The following CCDC141 variants were observed in gnomAD, a reference collection of about 807,000 sequenced individuals.
CCDC141 encodes the protein coiled-coil domain-containing protein 141.
In CCDC141, 168 loss-of-function variants were observed where a neutral mutation model predicts 181.0. The observed-to-expected ratio is 0.93, with a 90% CI of 0.82 to 1.05. The LOEUF (loss-of-function observed/expected upper bound fraction) is 1.05. Among genes scored for constraint, CCDC141 ranks in the 50% least tolerant of loss-of-function variants. The pLI is 0.00. For synonymous variants in CCDC141, 666 were observed against 642.3 expected (o/e 1.04, Z -0.56); for missense variants, 1,902 against 1,788.5 (o/e 1.06, Z -1.14).
rs1363004956 is a variant in CCDC141, at chr2:178,961,417, A to G, written c.593T>C (p.Phe198Ser). The change falls in exon 5 of 24, where the codon TTC becomes TCC. Residue 198 changes from phenylalanine (F) to serine (S), a missense_variant. By Grantham distance (155) the Phe-to-Ser change is radical. Transcript: ENST00000443758. The part of the protein sequence containing the change: ...SQQLTDFIEK[F>S]KCEGPNVNPE... ...ATTCACATTAGGTCCTTCACACTTG[A>G]ATTTTTCTATGAAGTCAGTGAGTTG... The G allele has an allele frequency of 6.4e-7, 1 of 1,550,502 alleles. No homozygotes were observed. Among genetic ancestry groups the G allele is most frequent in the Admixed American group, 2.0e-5 (1 of 50,994 alleles).
At chr2:178,965,909 G>A (rs1029202503) in intron 4 of CCDC141, among the ~76,000 whole-genome samples, 4 of 152,128 alleles carry the variant, frequency 2.6e-5, no homozygotes, top group Non-Finnish European at 1.5e-5. Flanking sequence ...GTCTGAGATC[G>A]ACCCGGTACG....
chr2:178,960,475 T>C (rs1411894446), intron 5 of CCDC141, among the ~76,000 whole-genome samples: 1 of 152,194 alleles, frequency 6.6e-6, no homozygotes. Context: ...TCCCTCCACA[T>C]AATTTCTCCC....
At chr2:179,011,513 A>C (rs2042269364) in intron 2 of CCDC141, among the ~76,000 whole-genome samples, 1 of 152,220 alleles carries the variant, frequency 6.6e-6, no homozygotes, top group Non-Finnish European at 1.5e-5. Context: ...AGACAGAAAC[A>C]CAATAGTGGG....
intron 2 of CCDC141, among the ~76,000 whole-genome samples, chr2:179,041,192 G>A (rs558408788): frequency 3.0e-4 from 45 of 152,154 alleles, no homozygotes; most frequent in Admixed American, 2.3e-3. Context: ...CTGCCTCCAC[G>A]CCATTCTCCT....
chr2:179,015,103 TAATATATATATAATCATATATATATATC>T (rs1487580434), intron 2 of CCDC141, among the ~76,000 whole-genome samples: 7 of 28,200 alleles, frequency 2.5e-4, no homozygotes, highest in South Asian at 1.0e-3. Flanking sequence ...TATATATATA[TAATATATATATAATCATATATATATATC>T]ATATCATATA....
At chr2:178,999,075 C>T (rs995715660) in intron 2 of CCDC141, among the ~76,000 whole-genome samples, 3 of 152,112 alleles carry the variant, frequency 2.0e-5, no homozygotes, top group Non-Finnish European at 4.4e-5. Flanking sequence ...TCCAAGTGAA[C>T]ACATGAGCTC....
At chr2:178,939,616 G>T (rs1395558829) in intron 6 of CCDC141, among the ~76,000 whole-genome samples, 1 of 152,088 alleles carries the variant, frequency 6.6e-6, no homozygotes, top group Non-Finnish European at 1.5e-5. Context: ...AACCTGATTT[G>T]TTTCTTCATG....
chr2:179,031,273 G>A (rs1467907113), intron 2 of CCDC141, among the ~76,000 whole-genome samples: 2 of 151,380 alleles, frequency 1.3e-5, no homozygotes, highest in Non-Finnish European at 2.9e-5. Flanking sequence ...TTTCATCTAA[G>A]TGTTGAATAT....
intron 20 of CCDC141, among the ~76,000 whole-genome samples, chr2:178,853,006 T>C (rs1335495322): frequency 6.6e-6 from 1 of 152,104 alleles, no homozygotes. Flanking sequence ...AAAAGCCTCA[T>C]AGAAAGGAGA....
Position 178,869,266 on chromosome 2 carries a change from C to A in CCDC141, c.2245G>T (p.Glu749Ter). Residue 749 changes from glutamate to a stop codon, truncating the protein, a stop_gained, in exon 15 of 24, where the codon GAG (glutamate) becomes TAG (stop). Transcript: ENST00000443758. LOFTEE classifies it high-confidence loss of function. ...GGGGCTCCTCTGCCAGTTAACTCCT[C>A]TGATTCTTTCATAATGTACTGAACC... is the stretch of plus-strand genomic sequence containing the variant. ...DEVQYIMKESEELTGRGAPVK... is the reference protein window; with the variant it reads ...DEVQYIMKES 1 of 1,613,158 alleles carries A rather than the reference C, an allele frequency of 6.2e-7. No individual in the cohort carries two copies. The highest frequency in any genetic ancestry group is 8.5e-7 in the Non-Finnish European group (1 of 1,179,614).
At chr2:178,863,347 A>G (rs1410141012) in intron 17 of CCDC141, among the ~76,000 whole-genome samples, 4 of 152,374 alleles carry the variant, frequency 2.6e-5, no homozygotes, top group Non-Finnish European at 5.9e-5. Flanking sequence ...AACTGTGTTT[A>G]AAAATCAACT....
In CCDC141 at chr2:178,868,085, G is replaced by A; in HGVS notation, c.2515C>T (p.His839Tyr). The A allele has an allele frequency of 6.2e-7, 1 of 1,613,970 alleles. No individual in the cohort carries two copies. The highest frequency in any genetic ancestry group is 8.5e-7 in the Non-Finnish European group (1 of 1,179,930). Residue 839 changes from histidine to tyrosine, a missense_variant, in exon 16 of 24, where the codon CAT becomes TAT. Coordinates refer to ENST00000443758, the MANE Select transcript of CCDC141 (RefSeq NM_173648.4). ...AAGGAAAGGGCCAGTCTGTGGAGAT[G>A]GTCTACACGGGCTTGCTTTTCCTGA... ...CSQEKQARVD[H>Y]LHRLALSLGV...
intron 2 of CCDC141, among the ~76,000 whole-genome samples, chr2:179,045,234 T>C (rs1316512503): frequency 6.9e-6 from 1 of 145,194 alleles, no homozygotes; most frequent in Non-Finnish European, 1.5e-5. Flanking sequence ...CATTGTTCAA[T>C]TCCCACCTAT....
intron 2 of CCDC141, among the ~76,000 whole-genome samples, chr2:179,044,460 A>T (rs1204114647): frequency 6.6e-6 from 1 of 152,172 alleles, no homozygotes; most frequent in East Asian, 1.9e-4. Flanking sequence ...AGGTATGCAA[A>T]TTTGAGCACA....
At chr2:178,824,061 A>AACACAC in the CCDC141 span, among the ~76,000 whole-genome samples, 1,529 of 147,504 alleles carry the variant, frequency 0.01, 15 homozygotes, top group South Asian at 0.026. Flanking sequence ...TACAGAGAAA[A>AACACAC]ACACACACAC....
chr2:178,834,274 C>T lies in CCDC141; in HGVS notation c.4492G>A (p.Val1498Met), dbSNP rs185082965. The change falls in exon 24 of 24, where the codon GTG becomes ATG. Residue 1498 changes from valine to methionine, a missense_variant. Transcript: ENST00000443758. Reference protein sequence around the residue: ...GALSSNVILHVTGNCRLPITR... With the variant: ...GALSSNVILHMTGNCRLPITR... Reference sequence around the variant, plus strand: ...ATTGGCAGCCTGCAGTTACCTGTCACGTGGAGGATGACATTGGAAGAGAGA... The same window carrying T: ...ATTGGCAGCCTGCAGTTACCTGTCATGTGGAGGATGACATTGGAAGAGAGA... 41 of 1,536,066 alleles carry T rather than the reference C, an allele frequency of 2.7e-5. No homozygotes were observed. The African/African-American group carries it at 3.0e-4, about 11-fold the overall frequency.
At chr2:178,938,415 T>A (rs1039820320) in intron 6 of CCDC141, among the ~76,000 whole-genome samples, 10 of 152,152 alleles carry the variant, frequency 6.6e-5, no homozygotes, top group African/African-American at 2.4e-4. Context: ...TAAGTGATTC[T>A]CCTTGTCTTG....
chr2:179,000,480 AAG>A (rs1473832249), intron 2 of CCDC141, among the ~76,000 whole-genome samples: 2 of 152,218 alleles, frequency 1.3e-5, no homozygotes, highest in African/African-American at 4.8e-5. Flanking sequence ...CCTTTTACAG[AAG>A]AGGTTTGCTG....
At chr2:178,871,141 A>G (rs550610514) in intron 14 of CCDC141, among the ~76,000 whole-genome samples, 18 of 152,310 alleles carry the variant, frequency 1.2e-4, no homozygotes, top group African/African-American at 4.1e-4. Context: ...GAGTGAAAAT[A>G]TAGGATAAAT....
Sources: allele counts gnomAD v4.1 joint callset (sites outside exome capture counted in the v4.1 genomes callset), GRCh38; gene constraint gnomAD v4.1.1; transcripts MANE v1.5; gene names NCBI Gene and HGNC (gene_info 2026-07-23, HGNC 2026-07-21).